MYO3B: variants seen among roughly 807,000 people sequenced by gnomAD.
MYO3B encodes the protein myosin-IIIb.
A neutral mutation model predicts 174.6 loss-of-function variants in MYO3B; 156 were observed. The ratio of observed to expected loss-of-function variants is 0.89; its 90% CI spans 0.78 to 1.02. MYO3B has a LOEUF of 1.02. MYO3B is among the 50% of genes least tolerant of loss of function. The probability of loss-of-function intolerance (pLI) is 0.00; values close to 1 mark genes in which losing one functional copy is unlikely to be tolerated. For missense variants in MYO3B, 1,632 were observed against 1,639.4 expected (o/e 1.00, Z 0.08); for synonymous variants, 563 against 569.1 (o/e 0.99, Z 0.15).
chr2:170,332,515 CCAAA>C (rs2093918875), intron 7 of MYO3B, among the ~76,000 whole-genome samples: 2 of 152,088 alleles, frequency 1.3e-5, no homozygotes, highest in Non-Finnish European at 2.9e-5. Context: ...TATTGCCAGT[CCAAA>C]CAAAGTATTG....
chr2:170,324,828 T>C (rs935919510), intron 7 of MYO3B, among the ~76,000 whole-genome samples: 24 of 152,228 alleles, frequency 1.6e-4, no homozygotes, highest in African/African-American at 5.8e-4. Context: ...ATTGCTTCTG[T>C]GGCCTTTGGC....
At chr2:170,293,953 G>A (rs562107462) in intron 7 of MYO3B, among the ~76,000 whole-genome samples, 1 of 147,210 alleles carries the variant, frequency 6.8e-6, no homozygotes, top group African/African-American at 2.5e-5. Context: ...TTCACCACTG[G>A]TTGGGTGATT....
intron 23 of MYO3B, among the ~76,000 whole-genome samples, chr2:170,445,747 C>G (rs1488777731): frequency 6.6e-6 from 1 of 152,156 alleles, no homozygotes; most frequent in Admixed American, 6.5e-5. Flanking sequence ...GATCCTTCCA[C>G]CTCAGCCTCC....
At chr2:170,192,908 T>A (rs1209892809) in intron 1 of MYO3B, among the ~76,000 whole-genome samples, 3 of 151,758 alleles carry the variant, frequency 2.0e-5, no homozygotes, top group Non-Finnish European at 4.4e-5. Flanking sequence ...CAAATTTCAT[T>A]TTCTTGGAAT....
At chr2:170,386,883 A>G (rs1041916724) in intron 13 of MYO3B, among the ~76,000 whole-genome samples, 1 of 152,246 alleles carries the variant, frequency 6.6e-6, no homozygotes, top group Non-Finnish European at 1.5e-5. Flanking sequence ...ATATGGCTGG[A>G]TTTTTAAAAC....
At chr2:170,184,596 C>T (rs1438789962) in intron 1 of MYO3B, among the ~76,000 whole-genome samples, 1 of 152,104 alleles carries the variant, frequency 6.6e-6, no homozygotes, top group Non-Finnish European at 1.5e-5. Flanking sequence ...TGCTGATGAA[C>T]ACTTAGGTTG....
chr2:170,432,724 C>T (rs1178694846), intron 22 of MYO3B, among the ~76,000 whole-genome samples: 1 of 151,934 alleles, frequency 6.6e-6, no homozygotes, highest in East Asian at 1.9e-4. Context: ...CTACAGGCGC[C>T]TGCCACCATG....
chr2:170,272,462 A>G (rs989185493), intron 7 of MYO3B, among the ~76,000 whole-genome samples: 2 of 152,058 alleles, frequency 1.3e-5, no homozygotes, highest in Non-Finnish European at 2.9e-5. Context: ...TTGTCTCATC[A>G]CCAGTGGAAT....
At chr2:170,254,108 T>C (rs1204725761) in intron 7 of MYO3B, among the ~76,000 whole-genome samples, 1 of 152,010 alleles carries the variant, frequency 6.6e-6, no homozygotes, top group Non-Finnish European at 1.5e-5. Flanking sequence ...CACGACCAGC[T>C]CCTGGTACTG....
intron 7 of MYO3B, among the ~76,000 whole-genome samples, chr2:170,266,003 T>C (rs1195514158): frequency 6.6e-6 from 1 of 152,088 alleles, no homozygotes; most frequent in East Asian, 1.9e-4. Flanking sequence ...ACTTCTGAGC[T>C]CCCTAGCTGT....
intron 28 of MYO3B, among the ~76,000 whole-genome samples, chr2:170,509,001 T>A (rs1687794359): frequency 6.9e-6 from 1 of 144,508 alleles, no homozygotes; most frequent in South Asian, 2.2e-4. Context: ...CCTTCCTAAA[T>A]GTCAACTTCA....
chr2:170,533,174 G>A (rs769504062), intron 30 of MYO3B, among the ~76,000 whole-genome samples: 2 of 151,884 alleles, frequency 1.3e-5, no homozygotes, highest in African/African-American at 2.4e-5. Context: ...CAAGCTTCTC[G>A]GCTGTGACAT....
rs112558734 is a variant in MYO3B at position 170,548,344 on chromosome 2, G to A, written c.3733+4356G>A. Among the ~76,000 whole-genome samples, 622 of 152,214 alleles carry A rather than the reference G, an allele frequency of 4.1e-3. 6 individuals are homozygous for A. Among genetic ancestry groups the A allele is most frequent in the Middle Eastern group, 0.014 (4 of 294 alleles). On this transcript the variant is annotated intron_variant, in intron 32 of 34. Coordinates refer to ENST00000408978, the MANE Select transcript of MYO3B (RefSeq NM_138995.5). ...ATGAGGAGCCAGATAGTGCAGGTTC[G>A]TACTGCTTAATGTCCTAACAAACAT...
At chr2:170,547,043 G>A (rs1330796723) in intron 32 of MYO3B, among the ~76,000 whole-genome samples, 2 of 152,116 alleles carry the variant, frequency 1.3e-5, no homozygotes, top group Non-Finnish European at 2.9e-5. Flanking sequence ...TCCCTGGCAC[G>A]GCGTGGTGGC....
rs182138127 is a variant in MYO3B at position 170,478,783 on chromosome 2, C to A, written c.3014+12072C>A. 6.2e-3 allele frequency among the ~76,000 whole-genome samples: 930 copies of A among 149,154 alleles called. 9 individuals carry two copies. The highest frequency in any genetic ancestry group is 0.022 in the African/African-American group (884 of 40,652). On this transcript the variant is annotated intron_variant, in intron 25 of 34. Coordinates refer to ENST00000408978, the MANE Select transcript of MYO3B (RefSeq NM_138995.5). ...ATGGGGTTTCACCATGTTGGCCAGG[C>A]TGATCTCGAACTCCTGACCTCAGGT... is the stretch of plus-strand genomic sequence containing the variant.
rs545237645 is a variant in MYO3B at position 170,196,416 on chromosome 2, G to A, written c.3-2792G>A. 5.3e-4 allele frequency among the ~76,000 whole-genome samples: 81 copies of A among 152,290 alleles called. No homozygotes were observed. The South Asian group carries it at 0.016, about 30-fold the overall frequency. The stretch of plus-strand genomic sequence containing the variant: ...TGGTCCCATCTATTAATACTTGGGA[G>A]GCTGAGATATGATTGCTTGAGCCCA... On this transcript the variant is annotated intron_variant, in intron 1 of 34. Coordinates refer to ENST00000408978, the MANE Select transcript of MYO3B (RefSeq NM_138995.5).
intron 7 of MYO3B, among the ~76,000 whole-genome samples, chr2:170,256,063 A>T (rs970335266): frequency 3.3e-5 from 5 of 152,204 alleles, no homozygotes; most frequent in Admixed American, 2.0e-4. Context: ...TAGCCGTTTG[A>T]ATCAACCCAG....
intron 32 of MYO3B, among the ~76,000 whole-genome samples, chr2:170,647,529 C>G (rs1698480314): frequency 6.6e-6 from 1 of 152,074 alleles, no homozygotes; most frequent in South Asian, 2.1e-4. Flanking sequence ...GGCAAAGCAC[C>G]TGGAAGTTAC....
rs367946029 is a variant in MYO3B at position 170,387,203 on chromosome 2, G to A, written c.1472G>A (p.Arg491His). ...SCTAINDNSS[R>H]FGKYLEMMFT... ...ACTGCCATCAATGACAACTCGAGCC[G>A]TTTTGGAAAATATCTGGAAATGATG... Residue 491 changes from arginine to histidine, a missense_variant, in exon 14 of 35, where the codon CGT becomes CAT. By Grantham distance (29) the Arg-to-His change is conservative (BLOSUM62 0). Transcript: ENST00000408978. 3.3e-5 allele frequency: 53 copies of A among 1,614,028 alleles called. No individual in the cohort carries two copies. Among genetic ancestry groups the A allele is most frequent in the East Asian group, 1.3e-4 (6 of 44,894 alleles).
Sources: gnomAD v4.1 joint callset for allele counts (sites outside exome capture counted in the v4.1 genomes callset) on GRCh38, gnomAD v4.1.1 for gene constraint, MANE v1.5 for transcripts, NCBI Gene and HGNC (gene_info 2026-07-23, HGNC 2026-07-21) for gene names.